The following XYLT1 variants were observed in gnomAD, a reference collection of about 807,000 sequenced individuals.
The protein encoded by XYLT1 is beta-D-xylosyltransferase 1.
A neutral mutation model predicts 91.3 loss-of-function variants in XYLT1; 36 were observed. That is an observed-to-expected ratio of 0.39 (90% CI 0.30 to 0.52). XYLT1 has a LOEUF of 0.52. Ranked by LOEUF, XYLT1 falls within the 20% of genes least tolerant of loss-of-function variation. The probability of loss-of-function intolerance (pLI) is 0.68; values close to 1 mark genes in which losing one functional copy is unlikely to be tolerated. For missense variants in XYLT1, 1,242 were observed against 1,284.5 expected, an observed-to-expected ratio of 0.97 and a Z score of 0.51; for synonymous variants, 588 against 532.0, an observed-to-expected ratio of 1.11 and a Z score of -1.45.
At chr16:17,123,112 G>T (rs1034323630) in intron 10 of XYLT1, among the ~76,000 whole-genome samples, 2 of 152,158 alleles carry the variant, frequency 1.3e-5, no homozygotes, top group Non-Finnish European at 2.9e-5. Flanking sequence ...GTTCTGTGAA[G>T]AATGATGGTG....
intron 9 of XYLT1, among the ~76,000 whole-genome samples, chr16:17,129,914 G>A (rs2030406701): frequency 6.6e-6 from 1 of 152,184 alleles, no homozygotes; most frequent in Non-Finnish European, 1.5e-5. Context: ...GTACCCGGGA[G>A]GCAGAACCTA....
chr16:17,134,866 C>T, intron 8 of XYLT1, 131 bp from the exon 9 acceptor site: 7 of 1,070,810 alleles, frequency 6.5e-6, no homozygotes, highest in Non-Finnish European at 9.5e-6. Flanking sequence ...ACTTTTTGCA[C>T]CTCTGTGTTC....
At chr16:17,248,632 T>C (rs2033482499) in intron 3 of XYLT1, among the ~76,000 whole-genome samples, 1 of 152,086 alleles carries the variant, frequency 6.6e-6, no homozygotes, top group Admixed American at 6.5e-5. Context: ...TGACCTGGAA[T>C]GTCCCCCTCC....
intron 3 of XYLT1, among the ~76,000 whole-genome samples, chr16:17,233,611 C>T (rs905253576): frequency 6.6e-6 from 1 of 152,222 alleles, no homozygotes; most frequent in African/African-American, 2.4e-5. Context: ...TGTTGTGCTG[C>T]TTTGTTTTAA....
At chr16:17,296,952 T>C (rs1282209699) in intron 2 of XYLT1, among the ~76,000 whole-genome samples, 1 of 152,204 alleles carries the variant, frequency 6.6e-6, no homozygotes, top group South Asian at 2.1e-4. Context: ...TAATCAGGAA[T>C]GACTTTCCGA....
chr16:17,143,961 C>T (rs148973964), intron 6 of XYLT1, among the ~76,000 whole-genome samples: 19 of 152,352 alleles, frequency 1.2e-4, no homozygotes, highest in Admixed American at 3.3e-4. Flanking sequence ...ATCACTACCA[C>T]CATCACCATG....
intron 1 of XYLT1, among the ~76,000 whole-genome samples, chr16:17,412,033 AG>A (rs1247041399): frequency 2.0e-5 from 3 of 152,130 alleles, no homozygotes; most frequent in East Asian, 3.8e-4. Flanking sequence ...GGGGCATAAA[AG>A]GGGGAACAAG....
At position 17,198,350 on chromosome 16, in the gene XYLT1, G is replaced by C; in HGVS notation, c.1151C>G (p.Thr384Ser). Residue 384 changes from threonine (T) to serine (S), a missense_variant, in exon 5 of 12, where the codon ACC becomes AGC. Physicochemically the swap from Thr to Ser is moderately conservative, Grantham distance 58. Coordinates refer to ENST00000261381, the MANE Select transcript of XYLT1 (RefSeq NM_022166.4). ...VSRQYSNVRV[T>S]PWRMATIWGG... ...CCAGATGGTGGCCATTCTCCAGGGGGTGACGCGGACATTGCTGTACTGCCT... is the reference window on the plus strand; with the variant it reads ...CCAGATGGTGGCCATTCTCCAGGGGCTGACGCGGACATTGCTGTACTGCCT... 1 of 1,614,212 alleles carries C rather than the reference G, an allele frequency of 6.2e-7. No individual in the cohort carries two copies. Among genetic ancestry groups the C allele is most frequent in the Non-Finnish European group, 8.5e-7 (1 of 1,180,036 alleles).
chr16:17,314,064 G>GT (rs2034589950), intron 2 of XYLT1, among the ~76,000 whole-genome samples: 1 of 152,154 alleles, frequency 6.6e-6, no homozygotes. Context: ...GAACTCAATT[G>GT]TTTTAAGACA....
intron 3 of XYLT1, among the ~76,000 whole-genome samples, chr16:17,218,028 G>C (rs955454850): frequency 6.6e-6 from 1 of 152,056 alleles, no homozygotes; most frequent in East Asian, 1.9e-4. Context: ...CCAGCACTTT[G>C]AGAGGTGGAT....
chr16:17,109,494 A>G (rs1358730515), intron 11 of XYLT1, among the ~76,000 whole-genome samples: 2 of 152,238 alleles, frequency 1.3e-5, no homozygotes, highest in Non-Finnish European at 2.9e-5. Context: ...CAACAAAGAA[A>G]TAAGTAGATA....
At chr16:17,308,008 C>A (rs994703316) in intron 2 of XYLT1, among the ~76,000 whole-genome samples, 27 of 152,326 alleles carry the variant, frequency 1.8e-4, no homozygotes, top group African/African-American at 5.8e-4. Context: ...CCCCACTCTC[C>A]ATGATCTGCA....
At chr16:17,430,076 A>G (rs2036371780) in intron 1 of XYLT1, among the ~76,000 whole-genome samples, 1 of 151,332 alleles carries the variant, frequency 6.6e-6, no homozygotes, top group South Asian at 2.1e-4. Flanking sequence ...AGCTGGGATT[A>G]CAGGTGCCCA....
chr16:17,285,872 C>A (rs1039389505), intron 2 of XYLT1, among the ~76,000 whole-genome samples: 1 of 112,238 alleles, frequency 8.9e-6, no homozygotes. Context: ...CCTGGTGTAT[C>A]TCTGTGTGTG....
chr16:17,200,388 C>A, intron 4 of XYLT1, 94 bp downstream of exon 4: 2 of 1,476,984 alleles, frequency 1.4e-6, no homozygotes, highest in Non-Finnish European at 9.2e-7. Flanking sequence ...TGAAAGCAGG[C>A]AGTCTGGACT....
intron 3 of XYLT1, among the ~76,000 whole-genome samples, chr16:17,215,455 G>C (rs1256422838): frequency 1.3e-5 from 2 of 152,170 alleles, no homozygotes; most frequent in Non-Finnish European, 2.9e-5. Flanking sequence ...TGCCACATGA[G>C]GTCACAGTGA....
intron 5 of XYLT1, among the ~76,000 whole-genome samples, chr16:17,177,741 A>T (rs1342640203): frequency 6.6e-6 from 1 of 152,218 alleles, no homozygotes; most frequent in Non-Finnish European, 1.5e-5. Flanking sequence ...GAGCCCAGAC[A>T]CATCCAGGCA....
At chr16:17,254,999 T>C (rs1482357129) in intron 3 of XYLT1, among the ~76,000 whole-genome samples, 1 of 143,590 alleles carries the variant, frequency 7.0e-6, no homozygotes, top group Non-Finnish European at 1.5e-5. Context: ...TCTTTTTCTT[T>C]TTTTTTTTTT....
At chr16:17,282,837 T>C (rs1347036325) in intron 2 of XYLT1, among the ~76,000 whole-genome samples, 1 of 152,242 alleles carries the variant, frequency 6.6e-6, no homozygotes, top group Admixed American at 6.5e-5. Flanking sequence ...ATACTTACTA[T>C]ATGCCACTGT....
Sources: allele counts gnomAD v4.1 joint callset (sites outside exome capture counted in the v4.1 genomes callset), GRCh38; gene constraint gnomAD v4.1.1; transcripts MANE v1.5; gene names NCBI Gene and HGNC (gene_info 2026-07-23, HGNC 2026-07-21).